GNPTAB: variants seen among roughly 807,000 people sequenced by gnomAD.
GNPTAB encodes the protein N-acetylglucosamine-1-phosphotransferase subunits alpha/beta.
A neutral mutation model predicts 136.6 loss-of-function variants in GNPTAB; 92 were observed. That is an observed-to-expected ratio of 0.67 (90% CI 0.57 to 0.80). The LOEUF is 0.80. Ranked by LOEUF, GNPTAB falls within the 30% of genes least tolerant of loss-of-function variation. GNPTAB has a pLI of 0.00. For missense variants in GNPTAB, 1,343 were observed against 1,501.8 expected (o/e 0.89, Z 1.75); for synonymous variants, 512 against 535.1 (o/e 0.96, Z 0.60).
intron 7 of GNPTAB, chr12:101,778,613 A>C (rs1953292338): frequency 6.6e-6 from 1 of 152,236 alleles, no homozygotes; most frequent in African/African-American, 2.4e-5. Flanking sequence ...TACAATAAAG[A>C]AAGTCATGAA....
chr12:101,801,539 CAAAAAAAAAAAAAAA>C lies in GNPTAB; in HGVS notation c.118-4792_118-4778del, dbSNP rs36066248. Among the ~76,000 whole-genome samples the C allele has an allele frequency of 4.5e-4, 19 of 42,596 alleles. No individual in the cohort carries two copies. The East Asian group carries it at 5.1e-3, about 11-fold the overall frequency. The allele number at this position is 42,596 out of a possible 152,430, so 27.9% of individuals were successfully genotyped here. On this transcript the variant is annotated intron_variant, in intron 1 of 20. Coordinates refer to ENST00000299314, the MANE Select transcript of GNPTAB (RefSeq NM_024312.5). ...TGGGTGACAGAAAGAGACCCTGTCT[CAAAAAAAAAAAAAAA>C]AAAAAAAAAAAAACTGGAAAAAAAT...
chr12:101,749,198 A>G lies in GNPTAB; in HGVS notation c.3603-7T>C, dbSNP rs1952780274. The G allele has an allele frequency of 3.2e-6, 5 of 1,568,894 alleles. No individual in the cohort carries two copies. The highest frequency in any genetic ancestry group is 8.8e-7 in the Non-Finnish European group (1 of 1,139,318). On this transcript the variant is annotated splice_region_variant and splice_polypyrimidine_tract_variant and intron_variant, in intron 19 of 20. Transcript: ENST00000299314. The stretch of plus-strand genomic sequence containing the variant: ...TTTGTCTCGATAAGCCCTCCTGTGC[A>G]GAGAGAAGAAAGCAACTATGTACTT...
chr12:101,815,335 G>A (rs368501995), intron 1 of GNPTAB, among the ~76,000 whole-genome samples: 10 of 152,070 alleles, frequency 6.6e-5, no homozygotes, highest in Admixed American at 3.9e-4. Context: ...CACCATGCCC[G>A]GCCCATAACA....
intron 1 of GNPTAB, among the ~76,000 whole-genome samples, chr12:101,812,115 T>C (rs1260619222): frequency 6.6e-6 from 1 of 151,644 alleles, no homozygotes; most frequent in Non-Finnish European, 1.5e-5. Context: ...CGTGGTGGCA[T>C]GTGCCTGTAA....
chr12:101,771,031 C>A lies in GNPTAB; in HGVS notation c.898G>T (p.Ala300Ser), dbSNP rs146222265. The A allele has an allele frequency of 6.2e-7, 1 of 1,614,036 alleles. No homozygotes were observed. The highest frequency in any genetic ancestry group is 1.3e-5 in the African/African-American group (1 of 75,036). Residue 300 changes from alanine (A) to serine (S), a missense_variant, in exon 8 of 21, where the codon GCA (alanine) becomes TCA (serine). Ala to Ser is a moderately conservative substitution (Grantham distance 99, BLOSUM62 1). Coordinates refer to ENST00000299314, the MANE Select transcript of GNPTAB (RefSeq NM_024312.5). ...IDGKELTISP[A>S]YLLWDLSAIS... ...GCGCTCAGATCCCATAATAAATATG[C>A]AGGACTTATGGTCAGTTCTTTTCCA...
intron 1 of GNPTAB, among the ~76,000 whole-genome samples, chr12:101,811,482 G>A (rs537459174): frequency 3.3e-5 from 5 of 151,574 alleles, no homozygotes; most frequent in East Asian, 1.9e-4. Context: ...AAATAAAAGA[G>A]GTTTAACTGA....
At chr12:101,758,057 G>A (rs1332396111) in intron 16 of GNPTAB, among the ~76,000 whole-genome samples, 2 of 62,636 alleles carry the variant, frequency 3.2e-5, no homozygotes, top group African/African-American at 1.2e-4. Context: ...TTTTTTTTTT[G>A]AGACGGAGTC....
At position 101,768,048 on chromosome 12, in the gene GNPTAB, C is replaced by G. The variant is rs767410826; in HGVS notation, c.1397G>C (p.Gly466Ala). 2 of 1,614,120 alleles carry G rather than the reference C, an allele frequency of 1.2e-6. No homozygotes were observed. The highest frequency in any genetic ancestry group is 1.7e-6 in the Non-Finnish European group (2 of 1,179,990). ...CNNSACDWDG[G>A]DCSGNSGGSR... Reference sequence around the variant, plus strand: ...TAACACATCCTTACCAGAGCAATCCCCACCATCCCAATCGCAGGCTGAATT... The same window carrying G: ...TAACACATCCTTACCAGAGCAATCCGCACCATCCCAATCGCAGGCTGAATT... Residue 466 changes from glycine to alanine, a missense_variant, in exon 11 of 21, where the codon GGG (glycine) becomes GCG (alanine). By Grantham distance (60) the Gly-to-Ala change is moderately conservative. Coordinates refer to ENST00000299314, the MANE Select transcript of GNPTAB (RefSeq NM_024312.5).
rs1328884363 is a variant in GNPTAB at position 101,765,148 on chromosome 12, G to A, written c.1769C>T (p.Ser590Phe). 1 of 1,614,186 alleles carries A rather than the reference G, an allele frequency of 6.2e-7. No homozygotes were observed. Among genetic ancestry groups the A allele is most frequent in the African/African-American group, 1.3e-5 (1 of 75,054 alleles). Residue 590 changes from serine to phenylalanine, a missense_variant, in exon 13 of 21, where the codon TCT (serine) becomes TTT (phenylalanine). Physicochemically the swap from Ser to Phe is radical, Grantham distance 155. Coordinates refer to ENST00000299314, the MANE Select transcript of GNPTAB (RefSeq NM_024312.5). Reference protein sequence around the residue: ...YSDNPIIRHASIANKWKTIHL... With the variant: ...YSDNPIIRHAFIANKWKTIHL... ...GATGGTTTTCCACTTGTTGGCAATA[G>A]AAGCATGTCGAATTATTGGATTGTC...
intron 1 of GNPTAB, among the ~76,000 whole-genome samples, chr12:101,800,842 A>G (rs1233881943): frequency 1.3e-5 from 2 of 152,042 alleles, no homozygotes; most frequent in Admixed American, 1.3e-4. Flanking sequence ...TCTGAGTGGG[A>G]GGCATACTTT....
intron 3 of GNPTAB, among the ~76,000 whole-genome samples, chr12:101,789,053 C>T (rs1431340569): frequency 6.6e-6 from 1 of 152,126 alleles, no homozygotes; most frequent in Non-Finnish European, 1.5e-5. Flanking sequence ...TTTTTACTGC[C>T]GTTTTCAAAT....
At chr12:101,774,838 T>C (rs964094750) in intron 7 of GNPTAB, among the ~76,000 whole-genome samples, 2 of 152,238 alleles carry the variant, frequency 1.3e-5, no homozygotes, top group South Asian at 4.1e-4. Context: ...AATGCATGTT[T>C]TTAAGTCAAG....
chr12:101,808,343 G>A (rs111251426), intron 1 of GNPTAB, among the ~76,000 whole-genome samples: 324 of 148,474 alleles, frequency 2.2e-3, no homozygotes, highest in African/African-American at 7.3e-3. Flanking sequence ...AGGACTGCTC[G>A]AGCCCAGGAG....
intron 16 of GNPTAB, among the ~76,000 whole-genome samples, chr12:101,758,335 G>A (rs971803769): frequency 6.6e-6 from 1 of 151,374 alleles, no homozygotes; most frequent in African/African-American, 2.4e-5. Flanking sequence ...CATCGCACCC[G>A]GCCAATTTTT....
At chr12:101,758,374 C>A (rs1952935495) in intron 16 of GNPTAB, among the ~76,000 whole-genome samples, 1 of 152,038 alleles carries the variant, frequency 6.6e-6, no homozygotes, top group Non-Finnish European at 1.5e-5. Context: ...GGGGTTTCAC[C>A]ATGTTGGCCA....
rs1293638941 is a variant in GNPTAB at position 101,790,062 on chromosome 12, G to C, written c.204-5C>G. ...ATCGGCATGGGCAGACAAAGCCTAG[G>C]GCAAACCAACAAATCCTCCAGCTTA... is the stretch of plus-strand genomic sequence containing the variant. On this transcript the variant is annotated splice_polypyrimidine_tract_variant and splice_region_variant and intron_variant, in intron 2 of 20. Transcript: ENST00000299314. The C allele has an allele frequency of 1.2e-6, 2 of 1,614,024 alleles. No individual in the cohort carries two copies. Among genetic ancestry groups the C allele is most frequent in the Non-Finnish European group, 1.7e-6 (2 of 1,179,980 alleles).
intron 1 of GNPTAB, among the ~76,000 whole-genome samples, chr12:101,822,593 A>G (rs1265222132): frequency 6.6e-6 from 1 of 152,176 alleles, no homozygotes; most frequent in African/African-American, 2.4e-5. Flanking sequence ...AAGTGATGAA[A>G]AGTGAGAAGA....
chr12:101,763,650 T>A (rs748360127), intron 13 of GNPTAB, among the ~76,000 whole-genome samples: 1 of 152,200 alleles, frequency 6.6e-6, no homozygotes, highest in East Asian at 1.9e-4. Context: ...TCCCTGAGTT[T>A]CCACATGAGC....
chr12:101,782,309 T>A (rs1480176723), intron 5 of GNPTAB, among the ~76,000 whole-genome samples: 1 of 152,242 alleles, frequency 6.6e-6, no homozygotes, highest in Non-Finnish European at 1.5e-5. Context: ...ATAAGTTTTT[T>A]TTTTAAAAAG....
Sources: allele counts gnomAD v4.1 joint callset (sites outside exome capture counted in the v4.1 genomes callset), GRCh38; gene constraint gnomAD v4.1.1; transcripts MANE v1.5; gene names NCBI Gene and HGNC (gene_info 2026-07-23, HGNC 2026-07-21).